Variants in DTWD2 observed in about 807,000 individuals in gnomAD.
DTWD2 encodes the protein tRNA-uridine aminocarboxypropyltransferase 2.
A neutral mutation model predicts 31.8 loss-of-function variants in DTWD2; 39 were observed. That is an observed-to-expected ratio of 1.22 (90% CI 0.95 to 1.60). The LOEUF is 1.60. Ranked by LOEUF, DTWD2 falls within the 40% of genes most tolerant of loss-of-function variation. The probability of loss-of-function intolerance (pLI) is 0.00; values close to 1 mark genes in which losing one functional copy is unlikely to be tolerated. For synonymous variants in DTWD2, 180 were observed against 142.8 expected (o/e 1.26, Z -1.86); for missense variants, 515 against 381.5 (o/e 1.35, Z -2.92).
Position 118,840,851 on chromosome 5 carries a change from A to G in DTWD2, c.*66T>C. Reference sequence around the variant, plus strand: ...AGTCAAAAACCTACAGACCTTAACTATATGAAAACTTAATTTGGTATTGTT... The same window carrying G: ...AGTCAAAAACCTACAGACCTTAACTGTATGAAAACTTAATTTGGTATTGTT... On this transcript the variant is annotated 3_prime_UTR_variant, in exon 6 of 6. Transcript: ENST00000510708. 4.6e-6 allele frequency: 7 copies of G among 1,535,200 alleles called. No individual in the cohort carries two copies. Among genetic ancestry groups the G allele is most frequent in the African/African-American group, 1.4e-5 (1 of 72,210 alleles).
intron 1 of DTWD2, among the ~76,000 whole-genome samples, chr5:118,983,996 C>CA (rs1755364812): frequency 6.6e-6 from 1 of 151,648 alleles, no homozygotes; most frequent in Non-Finnish European, 1.5e-5. Flanking sequence ...ACTAACAATA[C>CA]AAAACCTAGG....
chr5:118,933,124 C>T (rs976439811), intron 3 of DTWD2, among the ~76,000 whole-genome samples: 6 of 151,926 alleles, frequency 3.9e-5, no homozygotes, highest in Non-Finnish European at 8.8e-5. Flanking sequence ...AGGAGAAATA[C>T]GAAAACTGAA....
chr5:118,862,571 C>T (rs1752287429), intron 4 of DTWD2, among the ~76,000 whole-genome samples: 1 of 152,054 alleles, frequency 6.6e-6, no homozygotes, highest in Non-Finnish European at 1.5e-5. Flanking sequence ...ACAGGGAAGC[C>T]ACTTAAAATA....
chr5:118,858,169 T>C (rs926147882), intron 4 of DTWD2, among the ~76,000 whole-genome samples: 5 of 149,826 alleles, frequency 3.3e-5, no homozygotes, highest in Non-Finnish European at 5.9e-5. Context: ...TACTTTCACA[T>C]GGCAAAAAAA....
chr5:118,918,991 C>T (rs191888925), intron 4 of DTWD2, among the ~76,000 whole-genome samples: 114 of 152,330 alleles, frequency 7.5e-4, no homozygotes, highest in African/African-American at 2.6e-3. Context: ...CAAAGTCTCA[C>T]TCACAGGTGG....
At chr5:118,988,150 T>G in intron 1 of DTWD2, 144 bp downstream of exon 1, 1 of 1,002,350 alleles carries the variant, frequency 1.0e-6, no homozygotes, top group African/African-American at 1.6e-5. Context: ...TGCCTGGCAT[T>G]TCCGAGATTT....
intron 4 of DTWD2, among the ~76,000 whole-genome samples, chr5:118,863,005 T>A (rs980746597): frequency 6.6e-6 from 1 of 152,206 alleles, no homozygotes; most frequent in Admixed American, 6.5e-5. Context: ...GACCTGATCT[T>A]GCTGAACTGC....
chr5:118,945,286 T>C (rs922305822), intron 1 of DTWD2, among the ~76,000 whole-genome samples: 2 of 152,190 alleles, frequency 1.3e-5, no homozygotes, highest in Non-Finnish European at 2.9e-5. Flanking sequence ...TAGGTAACTC[T>C]TACACACAAT....
In DTWD2 at chr5:118,838,510, G is replaced by C. The variant is rs1435578740; in HGVS notation, c.*2407C>G. On this transcript the variant is annotated 3_prime_UTR_variant, in exon 6 of 6. Transcript: ENST00000510708. Reference sequence around the variant, plus strand: ...AATACTCAGATAATACTACACACTTGAGAACTTTTAGTAATTAAAATAATG... The same window carrying C: ...AATACTCAGATAATACTACACACTTCAGAACTTTTAGTAATTAAAATAATG... 3 of 152,124 alleles carry C rather than the reference G, an allele frequency of 2.0e-5. No individual in the cohort carries two copies. The highest frequency in any genetic ancestry group is 7.2e-5 in the African/African-American group (3 of 41,422). The allele number at this position is 152,124 out of a possible 1,614,324, so 9.4% of individuals were successfully genotyped here. A position where few individuals can be genotyped will look rare whatever the true frequency, so the allele number is the denominator to read the frequency against.
intron 1 of DTWD2, among the ~76,000 whole-genome samples, chr5:118,960,616 AC>A (rs1332505717): frequency 1.2e-4 from 18 of 152,282 alleles, no homozygotes; most frequent in Middle Eastern, 3.4e-3. Flanking sequence ...TACCATAAAG[AC>A]CCATGCACAT....
intron 4 of DTWD2, among the ~76,000 whole-genome samples, chr5:118,892,689 T>C (rs559355847): frequency 7.9e-5 from 12 of 152,226 alleles, no homozygotes; most frequent in Non-Finnish European, 1.5e-4. Flanking sequence ...GAAATACACA[T>C]TGTCATAAAA....
intron 4 of DTWD2, among the ~76,000 whole-genome samples, chr5:118,899,586 T>C (rs560211723): frequency 6.6e-6 from 1 of 152,164 alleles, no homozygotes; most frequent in East Asian, 1.9e-4. Flanking sequence ...TACAGCTCCA[T>C]GAATCTACAA....
chr5:118,903,255 ACTG>A (rs1753257040), intron 4 of DTWD2, among the ~76,000 whole-genome samples: 1 of 151,986 alleles, frequency 6.6e-6, no homozygotes, highest in African/African-American at 2.4e-5. Context: ...AAAACTATAA[ACTG>A]CTACACAAAT....
At chr5:118,851,473 G>A (rs571548974) in intron 4 of DTWD2, among the ~76,000 whole-genome samples, 2 of 152,020 alleles carry the variant, frequency 1.3e-5, no homozygotes, top group Admixed American at 1.3e-4. Flanking sequence ...TATGAACAGG[G>A]AGTAGGTCAC....
intron 1 of DTWD2, chr5:118,973,888 A>T: frequency 3.7e-6 from 6 of 1,610,236 alleles, no homozygotes; most frequent in Non-Finnish European, 5.1e-6. Flanking sequence ...AAAATGGAAG[A>T]GACGCCCCTG....
rs541729611 is a variant in DTWD2 at position 118,958,493 on chromosome 5, A to T, written c.219-13844T>A. ...ACAACAACAACAACAACAACAAAAGACCACTGGCTAGACTAATAAAGAAAA... is the reference window on the plus strand; with the variant it reads ...ACAACAACAACAACAACAACAAAAGTCCACTGGCTAGACTAATAAAGAAAA... On this transcript the variant is annotated intron_variant, in intron 1 of 5. Coordinates refer to ENST00000510708, the MANE Select transcript of DTWD2 (RefSeq NM_173666.4). Among the ~76,000 whole-genome samples the T allele has an allele frequency of 8.1e-4, 123 of 150,922 alleles. 2 individuals are homozygous for T. The highest frequency in any genetic ancestry group is 2.8e-3 in the African/African-American group (115 of 41,252).
chr5:118,952,892 C>T (rs1017572237), intron 1 of DTWD2, among the ~76,000 whole-genome samples: 32 of 152,142 alleles, frequency 2.1e-4, no homozygotes, highest in Non-Finnish European at 4.3e-4. Context: ...TTATTTTAGT[C>T]GTATGTATTT....
At position 118,936,332 on chromosome 5, in the gene DTWD2, A is replaced by G. The variant is rs1754043945; in HGVS notation, c.404+2864T>C. Among the ~76,000 whole-genome samples the G allele has an allele frequency of 2.0e-5, 3 of 152,242 alleles. No homozygotes were observed. The South Asian group carries it at 6.2e-4, about 32-fold the overall frequency. On this transcript the variant is annotated intron_variant, in intron 3 of 5. Coordinates refer to ENST00000510708, the MANE Select transcript of DTWD2 (RefSeq NM_173666.4). ...GGGGGTAAGATACTTTGAGGCCAGG[A>G]GTTCAAGACCAGCCTGGGCAACATA...
chr5:118,964,643 T>G (rs879695523), intron 1 of DTWD2, among the ~76,000 whole-genome samples: 8 of 152,258 alleles, frequency 5.3e-5, no homozygotes, highest in Non-Finnish European at 7.3e-5. Context: ...GGTTTCGCTG[T>G]GTTGGCCGGG....
Sources: gnomAD v4.1 joint callset for allele counts (sites outside exome capture counted in the v4.1 genomes callset) on GRCh38, gnomAD v4.1.1 for gene constraint, MANE v1.5 for transcripts, NCBI Gene and HGNC (gene_info 2026-07-23, HGNC 2026-07-21) for gene names.